The following DCAKD variants were observed in gnomAD, a reference collection of about 807,000 sequenced individuals.
DCAKD encodes dephospho-CoA kinase domain containing.
In DCAKD, 15 loss-of-function variants were observed where a neutral mutation model predicts 18.7. That is an observed-to-expected ratio of 0.80 (90% CI 0.54 to 1.24). The LOEUF is 1.24. DCAKD is among the 50% of genes most tolerant of loss of function. The pLI, the probability that DCAKD is intolerant of heterozygous loss-of-function variation, is 0.00. For missense variants in DCAKD, 301 were observed against 322.0 expected (o/e 0.93, Z 0.50); for synonymous variants, 130 against 133.0 (o/e 0.98, Z 0.16).
chr17:45,033,902 T>C (rs2053226539), intron 3 of DCAKD: 1 of 1,395,598 alleles, frequency 7.2e-7, no homozygotes, highest in Non-Finnish European at 9.4e-7. Context: ...CCAGCTCTTA[T>C]TACTCCCATC....
chr17:45,038,241 T>C (rs1219920817), intron 1 of DCAKD, among the ~76,000 whole-genome samples: 1 of 152,080 alleles, frequency 6.6e-6, no homozygotes, highest in Non-Finnish European at 1.5e-5. Context: ...CATGCCTGGC[T>C]GATTTTTTTG....
chr17:45,030,006 G>GA (rs2053142043), intron 4 of DCAKD, 86 bp downstream of exon 4: 1 of 1,307,318 alleles, frequency 7.6e-7, no homozygotes, highest in Non-Finnish European at 1.1e-6. Flanking sequence ...GCCCCGTGGG[G>GA]AAAGGGCAAA....
chr17:45,034,238 G>T lies in DCAKD; in HGVS notation c.265C>A (p.Pro89Thr). ...RRQLLNAITH[P>T]EIRKEMMKET... Reference sequence around the variant, plus strand: ...TTCATCATCTCCTTGCGAATCTCGGGGTGGGTGATGGCGTTGAGCAGCTGC... The same window carrying T: ...TTCATCATCTCCTTGCGAATCTCGGTGTGGGTGATGGCGTTGAGCAGCTGC... The change falls in exon 3 of 5, where the codon CCC becomes ACC. Residue 89 changes from proline (P) to threonine (T), a missense_variant. Coordinates refer to ENST00000651974, the MANE Select transcript of DCAKD (RefSeq NM_001288655.2). 1 of 1,614,044 alleles carries T rather than the reference G, an allele frequency of 6.2e-7. No homozygotes were observed. The highest frequency in any genetic ancestry group is 8.5e-7 in the Non-Finnish European group (1 of 1,179,994).
intron 1 of DCAKD, among the ~76,000 whole-genome samples, 174 bp downstream of exon 1, chr17:45,051,187 G>A (rs1235084381): frequency 6.6e-6 from 1 of 152,200 alleles, no homozygotes; most frequent in Non-Finnish European, 1.5e-5. Flanking sequence ...CAATCGGCCC[G>A]CAAAGTTCTA....
At chr17:45,030,589 T>G (rs981300884) in intron 3 of DCAKD, among the ~76,000 whole-genome samples, 1 of 152,232 alleles carries the variant, frequency 6.6e-6, no homozygotes, top group Non-Finnish European at 1.5e-5. Context: ...AAGGGTTTAG[T>G]TCACCTTGAT....
At chr17:45,039,622 G>A (rs1213969681) in intron 1 of DCAKD, among the ~76,000 whole-genome samples, 1 of 152,012 alleles carries the variant, frequency 6.6e-6, no homozygotes, top group Non-Finnish European at 1.5e-5. Context: ...CCTGGCCCAG[G>A]GTGGTAAGGA....
chr17:45,056,604 A>G (rs1277402672), upstream of DCAKD, among the ~76,000 whole-genome samples: 1 of 151,912 alleles, frequency 6.6e-6, no homozygotes, highest in East Asian at 1.9e-4. Context: ...CCTCCCGAGT[A>G]GCTGGGATTA....
chr17:45,036,365 A>T (rs991306477), intron 1 of DCAKD, among the ~76,000 whole-genome samples: 4 of 152,036 alleles, frequency 2.6e-5, no homozygotes, highest in African/African-American at 9.7e-5. Context: ...AAATACAAAA[A>T]ATTAGCCAGG....
chr17:45,049,614 A>G (rs1017266210), intron 1 of DCAKD, among the ~76,000 whole-genome samples: 3 of 151,906 alleles, frequency 2.0e-5, no homozygotes, highest in African/African-American at 7.3e-5. Context: ...ATTAACCAGA[A>G]CTTTTATCCT....
chr17:45,049,707 CTTTTCCTTTTTTT>C (rs1247565595), intron 1 of DCAKD, among the ~76,000 whole-genome samples: 8 of 113,122 alleles, frequency 7.1e-5, no homozygotes, highest in African/African-American at 2.6e-4. Context: ...TTTTCTTTTT[CTTTTCCTTTTTTT>C]TTTTTTTTTT....
chr17:45,047,626 T>C (rs542088782), intron 1 of DCAKD, among the ~76,000 whole-genome samples: 1 of 150,758 alleles, frequency 6.6e-6, no homozygotes, highest in East Asian at 2.0e-4. Context: ...TGCCTCAGCC[T>C]CCCCAGTAGC....
intron 1 of DCAKD, among the ~76,000 whole-genome samples, chr17:45,037,615 T>C (rs1416686511): frequency 6.6e-6 from 1 of 151,984 alleles, no homozygotes; most frequent in African/African-American, 2.4e-5. Flanking sequence ...GCCGTCACCA[T>C]GCCCAGCTAA....
Position 45,024,635 on chromosome 17 carries a change from AG to A in DCAKD, c.493del (p.Leu165Ter). 1 of 1,613,424 alleles carries A rather than the reference AG, an allele frequency of 6.2e-7. No homozygotes were observed. The highest frequency in any genetic ancestry group is 8.5e-7 in the Non-Finnish European group (1 of 1,179,454). The stretch of plus-strand genomic sequence containing the variant: ...GCGGGCCATGCGGGCCTTGTCTGTC[AG>A]GGGCAGCTGGGCATTGATGCGGGCC... Reference protein sequence around the residue: ...AEARINAQLPLTDKARMARHV... With the variant: ...AEARINAQLPXTDKARMARHV... On this transcript the variant is annotated frameshift_variant, in exon 5 of 5. Transcript: ENST00000651974. LOFTEE classifies it high-confidence loss of function.
chr17:45,031,240 G>A (rs559026791), intron 3 of DCAKD: 73 of 985,160 alleles, frequency 7.4e-5, no homozygotes, highest in Non-Finnish European at 8.2e-5. Context: ...GGCGGTGGGG[G>A]GGTGGCAATC....
intron 1 of DCAKD, among the ~76,000 whole-genome samples, chr17:45,035,391 G>A (rs2053271748): frequency 6.6e-6 from 1 of 151,028 alleles, no homozygotes; most frequent in Non-Finnish European, 1.5e-5. Flanking sequence ...TGTGGCAGGA[G>A]GATCGCTTGA....
chr17:45,047,097 T>G (rs2053586734), intron 1 of DCAKD, among the ~76,000 whole-genome samples: 1 of 149,982 alleles, frequency 6.7e-6, no homozygotes, highest in Non-Finnish European at 1.5e-5. Flanking sequence ...GGCCCATAAT[T>G]CAGAAGGTGT....
At chr17:45,030,715 G>A (rs1172472021) in intron 3 of DCAKD, among the ~76,000 whole-genome samples, 2 of 152,266 alleles carry the variant, frequency 1.3e-5, no homozygotes, top group East Asian at 3.8e-4. Flanking sequence ...CAAGAGCCAA[G>A]GTGGGCTGTC....
chr17:45,051,107 G>A (rs902754285), intron 1 of DCAKD, among the ~76,000 whole-genome samples: 2 of 152,180 alleles, frequency 1.3e-5, no homozygotes, highest in Admixed American at 6.5e-5. Context: ...TTTTTCAGAT[G>A]AGCAAACTTG....
intron 1 of DCAKD, among the ~76,000 whole-genome samples, chr17:45,037,044 C>T (rs2053316722): frequency 6.6e-6 from 1 of 152,148 alleles, no homozygotes; most frequent in Non-Finnish European, 1.5e-5. Flanking sequence ...CAGCAGGGGA[C>T]CAACCTAGAA....
Sources: allele counts gnomAD v4.1 joint callset (sites outside exome capture counted in the v4.1 genomes callset), GRCh38; gene constraint gnomAD v4.1.1; transcripts MANE v1.5; gene names NCBI Gene and HGNC (gene_info 2026-07-23, HGNC 2026-07-21).